The following CDH11 variants were observed in gnomAD, a reference collection of about 807,000 sequenced individuals.
CDH11 encodes cadherin-11.
A neutral mutation model predicts 67.8 loss-of-function variants in CDH11; 11 were observed. That is an observed-to-expected ratio of 0.16 (90% CI 0.10 to 0.27). The LOEUF is 0.27. Among genes scored for constraint, CDH11 ranks in the 10% least tolerant of loss-of-function variants. The pLI is 1.00. For synonymous variants in CDH11, 419 were observed against 400.0 expected, an observed-to-expected ratio of 1.05 and a Z score of -0.57; for missense variants, 847 against 1,031.2, an observed-to-expected ratio of 0.82 and a Z score of 2.45.
chr16:65,100,765 A>G (rs952842851), intron 1 of CDH11, among the ~76,000 whole-genome samples: 2 of 151,814 alleles, frequency 1.3e-5, no homozygotes, highest in African/African-American at 4.8e-5. Context: ...AAAGAAAGAA[A>G]AAGAAAAACC....
At chr16:64,960,389 ACTTTT>A (rs1372996006) in intron 11 of CDH11, among the ~76,000 whole-genome samples, 1 of 152,126 alleles carries the variant, frequency 6.6e-6, no homozygotes, top group Non-Finnish European at 1.5e-5. Flanking sequence ...TAGTCAACCC[ACTTTT>A]CTTAAGTGTT....
chr16:65,118,802 G>A (rs1049771894), intron 1 of CDH11: 4 of 152,146 alleles, frequency 2.6e-5, no homozygotes, highest in African/African-American at 9.7e-5. Context: ...TATTGAATGA[G>A]TAAGTATGCC....
At chr16:65,016,276 T>G (rs2073306495) in intron 2 of CDH11, among the ~76,000 whole-genome samples, 1 of 152,218 alleles carries the variant, frequency 6.6e-6, no homozygotes, top group Admixed American at 6.5e-5. Flanking sequence ...TTGAAACCTA[T>G]TTCTTTCTTT....
At chr16:65,013,891 A>G (rs1024439859) in intron 2 of CDH11, among the ~76,000 whole-genome samples, 5 of 152,096 alleles carry the variant, frequency 3.3e-5, no homozygotes, top group African/African-American at 1.2e-4. Flanking sequence ...GTGCCAAGAG[A>G]AAAAGAGACA....
At chr16:65,070,709 CAG>C (rs1397937412) in intron 1 of CDH11, among the ~76,000 whole-genome samples, 1 of 152,182 alleles carries the variant, frequency 6.6e-6, no homozygotes, top group African/African-American at 2.4e-5. Context: ...GTCAGTCACA[CAG>C]AAGGTGCTCA....
intron 1 of CDH11, among the ~76,000 whole-genome samples, chr16:65,054,421 A>G (rs1271406516): frequency 6.6e-6 from 1 of 152,138 alleles, no homozygotes; most frequent in Non-Finnish European, 1.5e-5. Context: ...GTAATAGGAG[A>G]TACTATCCCC....
rs188759888 is a variant in CDH11 at position 64,946,190 on chromosome 16, C to T, written c.*1413G>A. The T allele has an allele frequency of 7.6e-6, 8 of 1,049,424 alleles. No homozygotes were observed. The highest frequency in any genetic ancestry group is 5.5e-5 in the Admixed American group (1 of 18,224). The allele number at this position is 1,049,424 out of a possible 1,614,324, so 65.0% of individuals were successfully genotyped here. A position where few individuals can be genotyped will look rare whatever the true frequency, so the allele number is the denominator to read the frequency against. ...CCCATTCTCATTAAAACATAAAATG[C>T]CACATCATTTTACAATTAGTTAAAA... On this transcript the variant is annotated 3_prime_UTR_variant, in exon 13 of 13. Coordinates refer to ENST00000268603, the MANE Select transcript of CDH11 (RefSeq NM_001797.4).
chr16:65,014,625 C>T (rs966272020), intron 2 of CDH11, among the ~76,000 whole-genome samples: 2 of 151,882 alleles, frequency 1.3e-5, no homozygotes, highest in Non-Finnish European at 2.9e-5. Flanking sequence ...TTTCTGGAGG[C>T]ATTGCAATAG....
chr16:65,119,511 G>A (rs546916774), intron 1 of CDH11, among the ~76,000 whole-genome samples: 3 of 152,210 alleles, frequency 2.0e-5, no homozygotes, highest in South Asian at 4.2e-4. Context: ...CTATCAAGAT[G>A]GTCCACTGCT....
intron 2 of CDH11, among the ~76,000 whole-genome samples, chr16:65,018,745 A>C (rs2073365194): frequency 6.6e-6 from 1 of 152,216 alleles, no homozygotes; most frequent in Non-Finnish European, 1.5e-5. Flanking sequence ...ACAGTTTTCC[A>C]AGAGTGCTTT....
chr16:65,066,003 T>G (rs1032567957), intron 1 of CDH11, among the ~76,000 whole-genome samples: 4 of 152,192 alleles, frequency 2.6e-5, no homozygotes, highest in African/African-American at 9.7e-5. Flanking sequence ...GGGATTCACA[T>G]CCATGCAGTC....
At chr16:65,083,636 T>C (rs1597172998) in intron 1 of CDH11, among the ~76,000 whole-genome samples, 1 of 152,220 alleles carries the variant, frequency 6.6e-6, no homozygotes, top group African/African-American at 2.4e-5. Context: ...GACACAAATA[T>C]TCTGACAAAG....
chr16:65,030,457 C>T (rs2073620526), intron 2 of CDH11, among the ~76,000 whole-genome samples: 1 of 152,158 alleles, frequency 6.6e-6, no homozygotes, highest in African/African-American at 2.4e-5. Context: ...AAATCCTATA[C>T]TCATTTTCTT....
intron 11 of CDH11, among the ~76,000 whole-genome samples, chr16:64,971,228 C>T (rs574804251): frequency 4.4e-4 from 67 of 152,096 alleles, no homozygotes; most frequent in Non-Finnish European, 8.7e-4. Flanking sequence ...TCTTTTAATG[C>T]TTTACTTGAT....
chr16:65,030,950 C>T (rs1442924347), intron 2 of CDH11, among the ~76,000 whole-genome samples: 1 of 152,140 alleles, frequency 6.6e-6, no homozygotes, highest in South Asian at 2.1e-4. Context: ...GTAGAATAGG[C>T]CCTTCAGTAT....
intron 1 of CDH11, among the ~76,000 whole-genome samples, chr16:65,118,529 ACT>A (rs1464807454): frequency 6.6e-6 from 1 of 152,168 alleles, no homozygotes; most frequent in African/African-American, 2.4e-5. Flanking sequence ...AAGGCTGAAA[ACT>A]CACAATTCTT....
Position 65,007,154 on chromosome 16 carries a change from A to C in CDH11, c.-172-2113T>G, listed in dbSNP as rs568252968. On this transcript the variant is annotated intron_variant, in intron 2 of 12. Coordinates refer to ENST00000268603, the MANE Select transcript of CDH11 (RefSeq NM_001797.4). ...TGGTGAAATTATAATTTGTAGATACAGATCCATTCCATTTTGATGAACTTT... is the reference window on the plus strand; with the variant it reads ...TGGTGAAATTATAATTTGTAGATACCGATCCATTCCATTTTGATGAACTTT... 5 of 152,364 alleles carry C rather than the reference A, an allele frequency of 3.3e-5. No individual in the cohort carries two copies. In the East Asian group the frequency reaches 9.7e-4, roughly 29 times the overall value. The allele number at this position is 152,364 out of a possible 1,614,324, so 9.4% of individuals were successfully genotyped here.
At chr16:65,103,237 C>A (rs768689040) in intron 1 of CDH11, among the ~76,000 whole-genome samples, 8 of 152,110 alleles carry the variant, frequency 5.3e-5, no homozygotes, top group Non-Finnish European at 7.3e-5. Flanking sequence ...GATCTTGCAA[C>A]CTGCTAGATG....
In CDH11 at chr16:65,031,131, T is replaced by C. The variant is rs552108169; in HGVS notation, c.-173+22673A>G. Among the ~76,000 whole-genome samples the C allele has an allele frequency of 1.1e-3, 165 of 152,332 alleles. 1 individual carries two copies. The highest frequency in any genetic ancestry group is 3.4e-3 in the African/African-American group (140 of 41,588). ...CAGAATAATTTATATTAGGAGCATG[T>C]ACCACGCTGGATTAGTGGGTAACTT... On this transcript the variant is annotated intron_variant, in intron 2 of 12. Coordinates refer to ENST00000268603, the MANE Select transcript of CDH11 (RefSeq NM_001797.4).
Sources: gnomAD v4.1 joint callset for allele counts (sites outside exome capture counted in the v4.1 genomes callset) on GRCh38, gnomAD v4.1.1 for gene constraint, MANE v1.5 for transcripts, NCBI Gene and HGNC (gene_info 2026-07-23, HGNC 2026-07-21) for gene names.